Variants in MGST1 observed in about 807,000 individuals in gnomAD.
MGST1 encodes the protein glutathione S-transferase 12.
MGST1 carries 5 observed loss-of-function variants against 8.9 expected under a neutral mutation model. The observed-to-expected ratio is 0.56, with a 90% CI of 0.29 to 1.19. The LOEUF (loss-of-function observed/expected upper bound fraction) is 1.19. Ranked by LOEUF, MGST1 falls within the 50% of genes most tolerant of loss-of-function variation. MGST1 has a pLI of 0.08. For synonymous variants in MGST1, 54 were observed against 67.8 expected (o/e 0.80, Z 1.00); for missense variants, 182 against 187.4 (o/e 0.97, Z 0.17).
chr12:16,407,250 A>C (rs1940703667), intron 1 of MGST1, among the ~76,000 whole-genome samples: 1 of 152,210 alleles, frequency 6.6e-6, no homozygotes. Context: ...AAGTGGGCAA[A>C]TGACATAAAC....
intron 4 of MGST1, among the ~76,000 whole-genome samples, chr12:16,532,554 C>G (rs1044609594): frequency 1.7e-4 from 26 of 152,086 alleles, no homozygotes; most frequent in African/African-American, 6.0e-4. Flanking sequence ...GGAAAGGGAA[C>G]TGGAAGCTAT....
chr12:16,562,404 AG>A (rs1471798510), intron 4 of MGST1, among the ~76,000 whole-genome samples: 1 of 152,212 alleles, frequency 6.6e-6, no homozygotes, highest in Admixed American at 6.5e-5. Flanking sequence ...GCCGTTTTTA[AG>A]AATTATTCAG....
At chr12:16,531,764 A>T (rs952341770) in intron 4 of MGST1, among the ~76,000 whole-genome samples, 1 of 152,144 alleles carries the variant, frequency 6.6e-6, no homozygotes, top group Non-Finnish European at 1.5e-5. Flanking sequence ...GAATGCACAG[A>T]GGCGCTTCTT....
At chr12:16,528,822 T>C (rs1386130657) in intron 4 of MGST1, among the ~76,000 whole-genome samples, 1 of 151,976 alleles carries the variant, frequency 6.6e-6, no homozygotes, top group East Asian at 1.9e-4. Flanking sequence ...GAAGAGCCCA[T>C]GTGGATTGGG....
upstream of MGST1, among the ~76,000 whole-genome samples, chr12:16,382,424 G>C (rs1428318260): frequency 4.6e-5 from 7 of 152,166 alleles, no homozygotes; most frequent in Non-Finnish European, 1.0e-4. Flanking sequence ...GTTTGCCTGG[G>C]TATCAGCAGC....
chr12:16,510,784 C>T (rs1051523524), intron 4 of MGST1, among the ~76,000 whole-genome samples: 1 of 152,084 alleles, frequency 6.6e-6, no homozygotes, highest in South Asian at 2.1e-4. Flanking sequence ...CTTCCTGGTT[C>T]GAAGGATGAC....
intron 4 of MGST1, among the ~76,000 whole-genome samples, chr12:16,553,404 T>C (rs1449546923): frequency 1.3e-5 from 2 of 152,170 alleles, no homozygotes; most frequent in Non-Finnish European, 2.9e-5. Context: ...ATTACTATTA[T>C]TTCTTTTGCA....
At chr12:16,554,314 C>T (rs1278453304) in intron 4 of MGST1, among the ~76,000 whole-genome samples, 1 of 152,190 alleles carries the variant, frequency 6.6e-6, no homozygotes, top group African/African-American at 2.4e-5. Flanking sequence ...TCTTCTTTCC[C>T]TAATGTTAGT....
At chr12:16,543,524 G>A (rs575168025) in intron 4 of MGST1, among the ~76,000 whole-genome samples, 72 of 152,050 alleles carry the variant, frequency 4.7e-4, no homozygotes, top group Middle Eastern at 3.4e-3. Flanking sequence ...GCACATAAAT[G>A]ACTCTTAGAG....
intron 4 of MGST1, chr12:16,573,640 C>G (rs551940856): frequency 6.6e-6 from 1 of 152,172 alleles, no homozygotes; most frequent in African/African-American, 2.4e-5. Flanking sequence ...AAGGGTTATA[C>G]GTATTTAGGA....
In MGST1 at chr12:16,548,086, C is replaced by T. The variant is rs1941854828; in HGVS notation, n.483-41442C>T. ...CTGACAACAGCAACAGAGTTGCTTT[C>T]AGAAAGATCACCTAAAATTTGTATA... On this transcript the variant is annotated intron_variant and non_coding_transcript_variant, in intron 4 of 4. Transcript: ENST00000538857. This position sits in a 1 kb window ranked among gnomAD's most constrained non-coding sequence, Gnocchi z 4.2. 6.6e-6 allele frequency among the ~76,000 whole-genome samples: 1 copy of T among 152,118 alleles called. No homozygotes were observed. Among genetic ancestry groups the T allele is most frequent in the Non-Finnish European group, 1.5e-5 (1 of 68,024 alleles).
At chr12:16,384,438 C>T (rs946768238) in intron 1 of MGST1, among the ~76,000 whole-genome samples, 3 of 152,070 alleles carry the variant, frequency 2.0e-5, no homozygotes, top group African/African-American at 7.2e-5. Context: ...CACGTGAGGA[C>T]AGATGCAGAG....
rs1940655123 is a variant in MGST1, at chr12:16,401,456, A to G, written n.778+17852A>G. ...TCCATGACAGCATTATATACATCACATATCTTCACACCATGTCTTAATTCC... is the reference window on the plus strand; with the variant it reads ...TCCATGACAGCATTATATACATCACGTATCTTCACACCATGTCTTAATTCC... On this transcript the variant is annotated intron_variant and non_coding_transcript_variant, in intron 1 of 1. Coordinates refer to the MGST1 transcript ENST00000359720. The surrounding 1 kb of genome is among the most constrained non-coding windows in gnomAD (Gnocchi z 4.3). 4 of 834,380 alleles carry G rather than the reference A, an allele frequency of 4.8e-6. No homozygotes were observed. In the African/African-American group the frequency reaches 5.0e-5, roughly 11 times the overall value. The allele number at this position is 834,380 out of a possible 1,614,324, so 51.7% of individuals were successfully genotyped here.
intron 1 of MGST1, chr12:16,400,738 T>C: frequency 7.8e-7 from 1 of 1,284,910 alleles, no homozygotes; most frequent in Non-Finnish European, 1.1e-6. Flanking sequence ...TATAATCTCC[T>C]TCCACGGACA....
At chr12:16,416,076 T>C (rs1277046164) in intron 1 of MGST1, among the ~76,000 whole-genome samples, 1 of 152,138 alleles carries the variant, frequency 6.6e-6, no homozygotes, top group African/African-American at 2.4e-5. Flanking sequence ...TAACATAGGG[T>C]CACCTGGGCC....
At chr12:16,394,885 C>T (rs1940591651) in intron 1 of MGST1, among the ~76,000 whole-genome samples, 1 of 152,054 alleles carries the variant, frequency 6.6e-6, no homozygotes, top group African/African-American at 2.4e-5. Flanking sequence ...GTGTGAACAA[C>T]TGCACCTGGC....
Position 16,544,773 on chromosome 12 carries a change from A to G in MGST1, n.483-44755A>G, listed in dbSNP as rs75677123. 3.1e-3 allele frequency among the ~76,000 whole-genome samples: 473 copies of G among 152,186 alleles called. 5 individuals carry two copies. The highest frequency in any genetic ancestry group is 0.011 in the African/African-American group (443 of 41,554). On this transcript the variant is annotated intron_variant and non_coding_transcript_variant, in intron 4 of 4. Coordinates refer to the MGST1 transcript ENST00000538857. The surrounding 1 kb of genome is among the most constrained non-coding windows in gnomAD (Gnocchi z 4.8). ...GGGAAAAAGCACTGGGTTATGAAAA[A>G]TTATAACCTATATGAAAGACTTGGA...
intron 4 of MGST1, among the ~76,000 whole-genome samples, chr12:16,456,115 T>C (rs1235972884): frequency 6.6e-6 from 1 of 151,864 alleles, no homozygotes; most frequent in African/African-American, 2.4e-5. Context: ...ATGCCTGATA[T>C]CGTGCCCGGC....
At chr12:16,523,356 GTT>G in intron 4 of MGST1, among the ~76,000 whole-genome samples, 1 of 152,114 alleles carries the variant, frequency 6.6e-6, no homozygotes, top group Non-Finnish European at 1.5e-5. Flanking sequence ...AAATTGGGGA[GTT>G]TAAAAGACAG....
Sources: gnomAD v4.1 joint callset for allele counts (sites outside exome capture counted in the v4.1 genomes callset) on GRCh38, gnomAD v4.1.1 for gene constraint, Gnocchi (gnomAD v3.1) non-coding constraint, MANE v1.5 for transcripts, NCBI Gene and HGNC (gene_info 2026-07-23, HGNC 2026-07-21) for gene names.